SACS: variants seen among roughly 807,000 people sequenced by gnomAD.
SACS encodes sacsin molecular chaperone, also known as sacsin.
A neutral mutation model predicts 348.0 loss-of-function variants in SACS; 197 were observed. The ratio of observed to expected loss-of-function variants is 0.57; its 90% CI spans 0.50 to 0.64. The LOEUF is 0.64. Among genes scored for constraint, SACS ranks in the 30% least tolerant of loss-of-function variants. SACS has a pLI of 0.00. For missense variants in SACS, 4,999 were observed against 5,360.8 expected, an observed-to-expected ratio of 0.93 and a Z score of 2.11; for synonymous variants, 1,985 against 1,910.6, an observed-to-expected ratio of 1.04 and a Z score of -1.02.
At chr13:23,390,836 C>A (rs970191144) in intron 2 of SACS, among the ~76,000 whole-genome samples, 1 of 152,200 alleles carries the variant, frequency 6.6e-6, no homozygotes, top group Admixed American at 6.5e-5. Flanking sequence ...TGTTAAGTAG[C>A]GAGCGTGTTC....
At chr13:23,391,495 C>A (rs575441808) in intron 2 of SACS, among the ~76,000 whole-genome samples, 40 of 152,276 alleles carry the variant, frequency 2.6e-4, no homozygotes, top group African/African-American at 9.4e-4. Flanking sequence ...CCTCCTGCAG[C>A]GTCACCAGGG....
At chr13:23,416,665 G>A (rs2137978654) in intron 1 of SACS, among the ~76,000 whole-genome samples, 1 of 151,616 alleles carries the variant, frequency 6.6e-6, no homozygotes, top group South Asian at 2.1e-4. Context: ...GCTGAGGCAA[G>A]GGAATTGCTT....
At chr13:23,398,627 T>C (rs564011054) in intron 2 of SACS, among the ~76,000 whole-genome samples, 3 of 151,928 alleles carry the variant, frequency 2.0e-5, no homozygotes, top group Non-Finnish European at 2.9e-5. Flanking sequence ...AATTTAAACA[T>C]TGTCTGGTTG....
chr13:23,349,586 T>C (rs1459072906), intron 9 of SACS, among the ~76,000 whole-genome samples: 1 of 152,196 alleles, frequency 6.6e-6, no homozygotes, highest in Non-Finnish European at 1.5e-5. Context: ...TTCAATAACC[T>C]GATCTGCTGC....
At chr13:23,403,742 C>T (rs534846356) in intron 2 of SACS, among the ~76,000 whole-genome samples, 3 of 152,196 alleles carry the variant, frequency 2.0e-5, no homozygotes, top group African/African-American at 7.2e-5. Context: ...GTCTCTATCT[C>T]CTTCAGTTCT....
chr13:23,333,289 AT>A lies in SACS; in HGVS notation c.10586del (p.Asp3529ValfsTer6). On this transcript the variant is annotated frameshift_variant, in exon 10 of 10. Coordinates refer to ENST00000382292, the MANE Select transcript of SACS (RefSeq NM_014363.6). LOFTEE classifies it high-confidence loss of function. The part of the protein sequence containing the change: ...EKLESLLIIH[D>X]ANSRLKQAKH... ...TTGCTTGCTTTAGTCTACTGTTAGCATCATGGATTATCAATAAACTTTCCAG... is the reference window on the plus strand; with the variant it reads ...TTGCTTGCTTTAGTCTACTGTTAGCACATGGATTATCAATAAACTTTCCAG... The A allele has an allele frequency of 6.2e-7, 1 of 1,605,744 alleles. No individual in the cohort carries two copies. Among genetic ancestry groups the A allele is most frequent in the Non-Finnish European group, 8.5e-7 (1 of 1,177,440 alleles).
At position 23,340,459 on chromosome 13, in the gene SACS, G is replaced by A. The variant is rs758862765; in HGVS notation, c.3417C>T (p.His1139=). Residue 1139 remains histidine, a synonymous_variant, in exon 10 of 10, where the codon CAC becomes CAT. Transcript: ENST00000382292. ...KTLLLVLNKN[H]TLLQSSEGKM... is the part of the protein sequence containing the mutation. ...TTCCTTCAGATGATTGCAACAGTGT[G>A]TGATTCTTATTTAAAACCAGTAAGA... The A allele has an allele frequency of 9.3e-6, 15 of 1,613,718 alleles. No homozygotes were observed. The highest frequency in any genetic ancestry group is 3.3e-5 in the Admixed American group (2 of 59,946).
At chr13:23,413,273 C>G (rs765663758) in intron 1 of SACS, among the ~76,000 whole-genome samples, 1 of 152,308 alleles carries the variant, frequency 6.6e-6, no homozygotes, top group South Asian at 2.1e-4. Flanking sequence ...CCACTGCGCC[C>G]GGCCGGCAAA....
At chr13:23,404,431 T>C (rs2137938789) in intron 2 of SACS, among the ~76,000 whole-genome samples, 1 of 152,230 alleles carries the variant, frequency 6.6e-6, no homozygotes, top group East Asian at 1.9e-4. Context: ...CTCAAAATAA[T>C]AACAGCTATT....
In SACS at chr13:23,331,253, T is replaced by G; in HGVS notation, c.12623A>C (p.Gln4208Pro). The change falls in exon 10 of 10, where the codon CAA (glutamine) becomes CCA (proline). Residue 4208 changes from glutamine to proline, a missense_variant. Transcript: ENST00000382292. The part of the protein sequence containing the change: ...QPTYTYAIIV[Q>P]EVEREDADNS... ...GTCAGCATCTTCTCTTTCAACTTCT[T>G]GTACAATAATTGCATATGTGTATGT... The G allele has an allele frequency of 1.9e-6, 3 of 1,613,996 alleles. No homozygotes were observed. The highest frequency in any genetic ancestry group is 2.5e-6 in the Non-Finnish European group (3 of 1,179,878).
rs371734450 is a variant in SACS, at chr13:23,332,826, C to T, written c.11050G>A (p.Gly3684Arg). 1 of 1,613,794 alleles carries T rather than the reference C, an allele frequency of 6.2e-7. No individual in the cohort carries two copies. The highest frequency in any genetic ancestry group is 1.3e-5 in the African/African-American group (1 of 75,036). The stretch of plus-strand genomic sequence containing the variant: ...TTGAATTTTGGATTTACCTGTGCTC[C>T]ATTGAACTTTATAAGAGGAAGTGTT... ...NGTLPLIKFN[G>R]AQVNPKFKQC... is the part of the protein sequence containing the mutation. The change falls in exon 10 of 10, where the codon GGA (glycine) becomes AGA (arginine). Residue 3684 changes from glycine (G) to arginine (R), a missense_variant. Transcript: ENST00000382292.
chr13:23,365,330 C>T, intron 5 of SACS, 53 bp from the exon 6 acceptor site: 1 of 974,198 alleles, frequency 1.0e-6, no homozygotes, highest in Non-Finnish European at 1.6e-6. Context: ...TAATCTACTG[C>T]TCATCTTTGT....
At chr13:23,395,208 T>G (rs1368426037) in intron 2 of SACS, among the ~76,000 whole-genome samples, 3 of 149,896 alleles carry the variant, frequency 2.0e-5, no homozygotes, top group Admixed American at 2.0e-4. Context: ...GTCAGAGTCC[T>G]AGGCTTCATT....
In SACS at chr13:23,411,562, T is replaced by C; in HGVS notation, c.-323A>G. On this transcript the variant is annotated 5_prime_UTR_variant, in exon 2 of 10. It removes the in-frame stop codon of an upstream open reading frame in the 5' UTR. Transcript: ENST00000382292. ...TTTTTGGCTTTCCCCCAGAGCAAAA[T>C]CAATTTATTTTCATCTGAGAATTTT... The C allele has an allele frequency of 3.4e-6, 1 of 293,324 alleles. No homozygotes were observed. The highest frequency in any genetic ancestry group is 6.2e-6 in the Non-Finnish European group (1 of 161,160). The allele number at this position is 293,324 out of a possible 1,614,324, so 18.2% of individuals were successfully genotyped here.
At chr13:23,419,653 A>G (rs936556328) in intron 1 of SACS, among the ~76,000 whole-genome samples, 4 of 152,056 alleles carry the variant, frequency 2.6e-5, no homozygotes, top group African/African-American at 7.2e-5. Flanking sequence ...TGCGTCTTCT[A>G]TGCAAAGCCT....
chr13:23,398,315 C>T (rs1000460387), intron 2 of SACS, among the ~76,000 whole-genome samples: 1 of 151,942 alleles, frequency 6.6e-6, no homozygotes, highest in African/African-American at 2.4e-5. Flanking sequence ...GGCAGATCAC[C>T]TGAGGTCAGG....
At chr13:23,388,616 A>C (rs1872403712) in intron 2 of SACS, among the ~76,000 whole-genome samples, 1 of 151,402 alleles carries the variant, frequency 6.6e-6, no homozygotes, top group Non-Finnish European at 1.5e-5. Flanking sequence ...ATTCAAAGCG[A>C]AGTAACTCAG....
intron 2 of SACS, among the ~76,000 whole-genome samples, chr13:23,409,057 T>C (rs1437835752): frequency 2.5e-5 from 2 of 79,922 alleles, no homozygotes; most frequent in African/African-American, 9.8e-5. Flanking sequence ...TTTTTTTTTT[T>C]TTTTTTTTTT....
rs867083435 is a variant in SACS at position 23,339,934 on chromosome 13, G to A, written c.3942C>T (p.Phe1314=). Residue 1314 remains phenylalanine, a synonymous_variant, in exon 10 of 10, where the codon TTC becomes TTT. Transcript: ENST00000382292. ...LHNVPKTMAK[F]HQLFKVCGSI... ...AACCACAGACCTTAAATAGTTGGTGGAATTTTGCCATGGTTTTAGGTACAT... is the reference window on the plus strand; with the variant it reads ...AACCACAGACCTTAAATAGTTGGTGAAATTTTGCCATGGTTTTAGGTACAT... 1 of 1,614,008 alleles carries A rather than the reference G, an allele frequency of 6.2e-7. No homozygotes were observed. Among genetic ancestry groups the A allele is most frequent in the South Asian group, 1.1e-5 (1 of 91,038 alleles).
Sources: allele counts gnomAD v4.1 joint callset (sites outside exome capture counted in the v4.1 genomes callset), GRCh38; gene constraint gnomAD v4.1.1; transcripts MANE v1.5; gene names NCBI Gene and HGNC (gene_info 2026-07-23, HGNC 2026-07-21).